RORA: variants seen among roughly 807,000 people sequenced by gnomAD.
RORA encodes the protein RAR related orphan receptor A.
A neutral mutation model predicts 69.5 loss-of-function variants in RORA; 7 were observed. The observed-to-expected ratio is 0.10, with a 90% CI of 0.06 to 0.19. The LOEUF (loss-of-function observed/expected upper bound fraction) is 0.19, where lower values mean the gene tolerates loss of function less well. RORA is among the 10% of genes least tolerant of loss of function. The probability of loss-of-function intolerance (pLI) is 1.00; values close to 1 mark genes in which losing one functional copy is unlikely to be tolerated. For synonymous variants in RORA, 261 were observed against 240.8 expected (o/e 1.08, Z -0.78); for missense variants, 457 against 663.0 (o/e 0.69, Z 3.41).
intron 1 of RORA, among the ~76,000 whole-genome samples, chr15:61,100,409 G>A (rs973686922): frequency 1.3e-5 from 2 of 152,152 alleles, no homozygotes; most frequent in Non-Finnish European, 2.9e-5. Flanking sequence ...CATGACCAGC[G>A]GTGCCCGGCC....
chr15:60,705,726 T>G (rs1348637995), intron 1 of RORA, among the ~76,000 whole-genome samples: 1 of 152,140 alleles, frequency 6.6e-6, no homozygotes, highest in Non-Finnish European at 1.5e-5. Flanking sequence ...TTATTAAAAT[T>G]TTTTAAAATA....
At chr15:60,558,678 T>G (rs2067443398) in intron 2 of RORA, among the ~76,000 whole-genome samples, 1 of 152,218 alleles carries the variant, frequency 6.6e-6, no homozygotes. Flanking sequence ...GGAGATTGGT[T>G]TTATGTTTAG....
At chr15:61,062,127 C>A (rs973984659) in intron 1 of RORA, among the ~76,000 whole-genome samples, 16 of 152,190 alleles carry the variant, frequency 1.1e-4, no homozygotes, top group African/African-American at 3.4e-4. Flanking sequence ...CCCTATGGAG[C>A]ACTGCCACCT....
intron 1 of RORA, among the ~76,000 whole-genome samples, chr15:60,749,693 C>G (rs2071696643): frequency 6.6e-6 from 1 of 152,144 alleles, no homozygotes; most frequent in Non-Finnish European, 1.5e-5. Context: ...TTTTAGGCAC[C>G]TAAAGATCTA....
chr15:60,831,923 G>T (rs1430037044), intron 1 of RORA, among the ~76,000 whole-genome samples: 4 of 152,136 alleles, frequency 2.6e-5, no homozygotes, highest in Non-Finnish European at 5.9e-5. Flanking sequence ...AGGTGAAGTG[G>T]CAGCTAATAT....
At chr15:61,176,217 T>C (rs1475272388) in intron 1 of RORA, 2 of 152,220 alleles carry the variant, frequency 1.3e-5, no homozygotes, top group African/African-American at 4.8e-5. Flanking sequence ...GCACATGTGT[T>C]CAAACACTCT....
At position 60,491,376 on chromosome 15, in the gene RORA, AAG is replaced by A. The variant is rs1156398361; in HGVS notation, c.*6077_*6078del. On this transcript the variant is annotated 3_prime_UTR_variant, in exon 11 of 11. Coordinates refer to ENST00000335670, the MANE Select transcript of RORA (RefSeq NM_134261.3). ...TTAGTTCTTAGAAGGATGAAAGTAA[AAG>A]AAGTGTGGTACTGCTAATGTGGCAA... The A allele has an allele frequency of 6.6e-6, 1 of 152,172 alleles. No individual in the cohort carries two copies. Among genetic ancestry groups the A allele is most frequent in the East Asian group, 1.9e-4 (1 of 5,196 alleles). The allele number at this position is 152,172 out of a possible 1,614,324, so 9.4% of individuals were successfully genotyped here.
chr15:60,581,718 C>T (rs1366677498), intron 2 of RORA, among the ~76,000 whole-genome samples: 1 of 152,192 alleles, frequency 6.6e-6, no homozygotes, highest in Non-Finnish European at 1.5e-5. Context: ...ACTTAAGGTG[C>T]TTACATCACA....
chr15:60,622,792 G>A (rs1017463037), intron 2 of RORA, among the ~76,000 whole-genome samples: 12 of 151,900 alleles, frequency 7.9e-5, no homozygotes, highest in Non-Finnish European at 1.3e-4. Flanking sequence ...CTTGGCTCAC[G>A]GCCACCTCCA....
chr15:61,043,949 T>C (rs1170095977), intron 1 of RORA, among the ~76,000 whole-genome samples: 1 of 152,080 alleles, frequency 6.6e-6, no homozygotes, highest in Non-Finnish European at 1.5e-5. Flanking sequence ...CAGGATTTGG[T>C]TCCCAGAGCA....
intron 2 of RORA, among the ~76,000 whole-genome samples, chr15:60,541,273 C>T (rs1567071881): frequency 1.3e-5 from 2 of 152,192 alleles, no homozygotes; most frequent in South Asian, 4.1e-4. Context: ...AAGTTCTAAG[C>T]CTTTCAAATA....
intron 1 of RORA, among the ~76,000 whole-genome samples, chr15:60,814,346 G>A (rs2072781607): frequency 6.6e-6 from 1 of 152,156 alleles, no homozygotes; most frequent in Non-Finnish European, 1.5e-5. Flanking sequence ...TGCTGATTTT[G>A]GGTGGAAGTG....
chr15:60,625,211 AAAC>A (rs533003655), intron 2 of RORA, among the ~76,000 whole-genome samples: 5 of 152,318 alleles, frequency 3.3e-5, no homozygotes, highest in South Asian at 2.1e-4. Flanking sequence ...GGCTTCAGAA[AAAC>A]AACAACAACA....
At chr15:61,159,865 T>C (rs1032754262) in intron 1 of RORA, among the ~76,000 whole-genome samples, 3 of 152,206 alleles carry the variant, frequency 2.0e-5, no homozygotes, top group Non-Finnish European at 4.4e-5. Flanking sequence ...ACTAGAAATA[T>C]GTATGTGTAC....
chr15:60,775,860 C>G (rs958022309), intron 1 of RORA, among the ~76,000 whole-genome samples: 2 of 152,204 alleles, frequency 1.3e-5, no homozygotes, highest in African/African-American at 4.8e-5. Flanking sequence ...GCACCCCGTC[C>G]TTTCATGGCT....
intron 1 of RORA, among the ~76,000 whole-genome samples, chr15:61,080,824 C>T (rs1362616010): frequency 1.3e-5 from 2 of 152,174 alleles, no homozygotes; most frequent in Non-Finnish European, 2.9e-5. Context: ...GAATTCAGGT[C>T]GGCCCAATCA....
intron 3 of RORA, 78 bp from the exon 4 acceptor site, chr15:60,514,835 C>G (rs1410900262): frequency 2.9e-5 from 31 of 1,064,416 alleles, no homozygotes; most frequent in Non-Finnish European, 4.1e-5. Context: ...ATGCTAAGCA[C>G]TGAGTGGCAT....
At chr15:60,595,421 A>G (rs573981110) in intron 2 of RORA, among the ~76,000 whole-genome samples, 2 of 152,218 alleles carry the variant, frequency 1.3e-5, no homozygotes, top group South Asian at 4.2e-4. Flanking sequence ...AGGCTGAGGC[A>G]TAAGAATTAC....
chr15:60,518,688 A>G (rs963555862), intron 3 of RORA, among the ~76,000 whole-genome samples: 2 of 152,210 alleles, frequency 1.3e-5, no homozygotes, highest in African/African-American at 2.4e-5. Flanking sequence ...GTCTGTAATG[A>G]TTCAGACTAG....
Sources: gnomAD v4.1 joint callset for allele counts (sites outside exome capture counted in the v4.1 genomes callset) on GRCh38, gnomAD v4.1.1 for gene constraint, MANE v1.5 for transcripts, NCBI Gene and HGNC (gene_info 2026-07-23, HGNC 2026-07-21) for gene names.